The following B3GLCT variants were observed in gnomAD, a reference collection of about 807,000 sequenced individuals.
B3GLCT encodes beta-1,3-glucosyltransferase.
Under a neutral mutation model 63.4 loss-of-function variants are expected in B3GLCT, and 65 were observed. That is an observed-to-expected ratio of 1.03 (90% confidence interval 0.84 to 1.26). The LOEUF is 1.26. Among genes scored for constraint, B3GLCT ranks in the 50% most tolerant of loss-of-function variants. The pLI, the probability that B3GLCT is intolerant of heterozygous loss-of-function variation, is 0.00. For synonymous variants in B3GLCT, 233 were observed against 219.2 expected, an observed-to-expected ratio of 1.06 and a Z score of -0.55; for missense variants, 577 against 604.8, an observed-to-expected ratio of 0.95 and a Z score of 0.48.
intron 5 of B3GLCT, among the ~76,000 whole-genome samples, chr13:31,247,527 C>T (rs532732199): frequency 2.6e-4 from 40 of 152,322 alleles, no homozygotes; most frequent in African/African-American, 7.9e-4. Context: ...TCTGCCTTGG[C>T]CTCCCAAAGT....
chr13:31,237,273 C>A (rs1870701174), intron 4 of B3GLCT, among the ~76,000 whole-genome samples: 1 of 151,200 alleles, frequency 6.6e-6, no homozygotes, highest in African/African-American at 2.4e-5. Context: ...GAATTAAATG[C>A]TGAAATTCAC....
At chr13:31,236,963 C>G (rs917011423) in intron 4 of B3GLCT, among the ~76,000 whole-genome samples, 4 of 151,848 alleles carry the variant, frequency 2.6e-5, no homozygotes, top group African/African-American at 7.3e-5. Context: ...CCTGTCTATA[C>G]AAAAATACAA....
chr13:31,208,406 G>A (rs981909037), intron 1 of B3GLCT, among the ~76,000 whole-genome samples: 2 of 152,072 alleles, frequency 1.3e-5, no homozygotes, highest in African/African-American at 4.8e-5. Flanking sequence ...TGCTGCAGCC[G>A]CTATTGCACG....
chr13:31,330,622 A>T lies in B3GLCT; in HGVS notation c.*954A>T, dbSNP rs1875873755. 1 of 149,480 alleles carries T rather than the reference A, an allele frequency of 6.7e-6. No homozygotes were observed. The highest frequency in any genetic ancestry group is 2.1e-4 in the South Asian group (1 of 4,716). 9.3% of individuals were successfully genotyped at this position (149,480 alleles called of 1,614,324 possible). A position where few individuals can be genotyped will look rare whatever the true frequency, so the allele number is the denominator to read the frequency against. On this transcript the variant is annotated 3_prime_UTR_variant, in exon 15 of 15. Coordinates refer to ENST00000343307, the MANE Select transcript of B3GLCT (RefSeq NM_194318.4). Reference sequence around the variant, plus strand: ...CCCCTTGTGGAAGGACAGCATGGTGATCAGGCAATTTCTCTGGGTTCCCAA... The same window carrying T: ...CCCCTTGTGGAAGGACAGCATGGTGTTCAGGCAATTTCTCTGGGTTCCCAA...
At position 31,317,547 on chromosome 13, in the gene B3GLCT, G is replaced by T. The variant is rs28668251; in HGVS notation, c.1065-19G>T. The T allele has an allele frequency of 8.0e-4, 1,290 of 1,613,684 alleles. No individual in the cohort carries two copies. The highest frequency in any genetic ancestry group is 1.0e-3 in the Non-Finnish European group (1,202 of 1,179,722). On this transcript the variant is annotated intron_variant, in intron 12 of 14. Transcript: ENST00000343307. The stretch of plus-strand genomic sequence containing the variant: ...TTTGAATCAAATAATCATGATTTGT[G>T]TTCCCTTTGGCATCTCAGTATCTCC...
intron 3 of B3GLCT, 103 bp downstream of exon 3, chr13:31,223,094 A>G (rs1349798859): frequency 6.2e-6 from 5 of 809,496 alleles, no homozygotes; most frequent in South Asian, 2.9e-5. Context: ...TATGGGGTAA[A>G]TATTGTTGTT....
intron 6 of B3GLCT, among the ~76,000 whole-genome samples, chr13:31,256,182 A>T (rs1215060712): frequency 6.6e-6 from 1 of 152,260 alleles, no homozygotes; most frequent in Non-Finnish European, 1.5e-5. Context: ...ATGAAAAAAA[A>T]GTTCATCATC....
At chr13:31,215,223 G>A in intron 2 of B3GLCT, 123 bp downstream of exon 2, 2 of 1,054,812 alleles carry the variant, frequency 1.9e-6, no homozygotes, top group Non-Finnish European at 2.8e-6. Context: ...TTCATATAAT[G>A]TGGTCAACAT....
Position 31,200,072 on chromosome 13 carries a change from C to A in B3GLCT, c.-13C>A. ...CCCGCGCCCAGGTAGGGCGCTCAGCCTCCGCCGCCAGGATGCGGCCGCCCG... is the reference window on the plus strand; with the variant it reads ...CCCGCGCCCAGGTAGGGCGCTCAGCATCCGCCGCCAGGATGCGGCCGCCCG... On this transcript the variant is annotated 5_prime_UTR_variant, in exon 1 of 15. Coordinates refer to ENST00000343307, the MANE Select transcript of B3GLCT (RefSeq NM_194318.4). 1.5e-6 allele frequency: 2 copies of A among 1,364,736 alleles called. No homozygotes were observed. Among genetic ancestry groups the A allele is most frequent in the Non-Finnish European group, 1.9e-6 (2 of 1,047,974 alleles). The allele number at this position is 1,364,736 out of a possible 1,614,324, so 84.5% of individuals were successfully genotyped here.
At chr13:31,284,224 TG>T (rs1873205129) in intron 10 of B3GLCT, among the ~76,000 whole-genome samples, 1 of 152,224 alleles carries the variant, frequency 6.6e-6, no homozygotes, top group Non-Finnish European at 1.5e-5. Flanking sequence ...TTTGTAGGGT[TG>T]GGTAGTTCTG....
intron 4 of B3GLCT, among the ~76,000 whole-genome samples, chr13:31,230,264 C>G (rs1870312086): frequency 6.6e-6 from 1 of 152,146 alleles, no homozygotes; most frequent in African/African-American, 2.4e-5. Context: ...TTGTGCTGCC[C>G]TATAGGTGCT....
chr13:31,269,004 T>C (rs1267957007), intron 7 of B3GLCT, among the ~76,000 whole-genome samples: 3 of 152,218 alleles, frequency 2.0e-5, no homozygotes, highest in African/African-American at 7.2e-5. Context: ...GAATAATGAA[T>C]GCTACTTTTG....
chr13:31,253,175 G>A (rs775060180), intron 6 of B3GLCT, among the ~76,000 whole-genome samples: 8 of 152,046 alleles, frequency 5.3e-5, no homozygotes, highest in African/African-American at 1.2e-4. Flanking sequence ...GAGAACAAAC[G>A]CACAACATAC....
intron 12 of B3GLCT, among the ~76,000 whole-genome samples, chr13:31,295,410 C>A (rs1225861715): frequency 1.3e-5 from 2 of 152,194 alleles, no homozygotes; most frequent in East Asian, 3.9e-4. Context: ...TGAAGCTGTG[C>A]CCACTGCCAC....
At chr13:31,290,360 A>C (rs1217770989) in intron 12 of B3GLCT, among the ~76,000 whole-genome samples, 4 of 152,176 alleles carry the variant, frequency 2.6e-5, no homozygotes, top group Non-Finnish European at 5.9e-5. Context: ...ATGACTTATA[A>C]TCCTTTGGAT....
At chr13:31,202,836 A>T (rs1006085499) in intron 1 of B3GLCT, among the ~76,000 whole-genome samples, 3 of 152,146 alleles carry the variant, frequency 2.0e-5, no homozygotes, top group Non-Finnish European at 2.9e-5. Flanking sequence ...TTGAAGATGG[A>T]AGCCAGTAGT....
At chr13:31,218,525 G>A (rs866826825) in intron 2 of B3GLCT, among the ~76,000 whole-genome samples, 5 of 152,106 alleles carry the variant, frequency 3.3e-5, no homozygotes, top group Admixed American at 1.3e-4. Context: ...TGCTGTCAGC[G>A]TGGATGTTAT....
Position 31,261,025 on chromosome 13 carries a change from T to G in B3GLCT, c.539T>G (p.Val180Gly). The G allele has an allele frequency of 6.2e-7, 1 of 1,614,058 alleles. No homozygotes were observed. ...HHYAFSENPT[V>G]FKYPDFAAGW... ...TATGCCTTTTCCGAGAATCCTACAG[T>G]TTTTAAGTATCCAGACTTTGCTGCA... The change falls in exon 7 of 15, where the codon GTT becomes GGT. Residue 180 changes from valine to glycine, a missense_variant. Val to Gly is a moderately radical substitution (Grantham distance 109). Transcript: ENST00000343307.
At chr13:31,312,037 T>A (rs1046267771) in intron 12 of B3GLCT, among the ~76,000 whole-genome samples, 28 of 152,334 alleles carry the variant, frequency 1.8e-4, no homozygotes, top group African/African-American at 6.7e-4. Context: ...AGGCAGTCCC[T>A]CAATCTTGCA....
Sources: allele counts gnomAD v4.1 joint callset (sites outside exome capture counted in the v4.1 genomes callset), GRCh38; gene constraint gnomAD v4.1.1; transcripts MANE v1.5; gene names NCBI Gene and HGNC (gene_info 2026-07-23, HGNC 2026-07-21).